Variants in YIPF3 observed in about 807,000 individuals in gnomAD.
The protein encoded by YIPF3 is protein YIPF3.
Under a neutral mutation model 40.3 loss-of-function variants are expected in YIPF3, and 18 were observed. That is an observed-to-expected ratio of 0.45 (90% CI 0.31 to 0.66). YIPF3 has a LOEUF of 0.66. Among genes scored for constraint, YIPF3 ranks in the 30% least tolerant of loss-of-function variants. YIPF3 has a pLI of 0.07. For missense variants in YIPF3, 406 were observed against 452.2 expected (o/e 0.90, Z 0.93); for synonymous variants, 190 against 179.6 (o/e 1.06, Z -0.46).
chr6:43,516,321 T>A, intron 1 of YIPF3: 1 of 1,024,716 alleles, frequency 9.8e-7, no homozygotes, highest in Non-Finnish European at 1.4e-6. Flanking sequence ...CATTCATGTC[T>A]TTCTCCTATG....
chr6:43,516,001 T>G lies in YIPF3; in HGVS notation c.176A>C (p.Glu59Ala). 1 of 1,614,236 alleles carries G rather than the reference T, an allele frequency of 6.2e-7. No homozygotes were observed. The highest frequency in any genetic ancestry group is 1.1e-5 in the South Asian group (1 of 91,090). ...DMGELHQRLR[E>A]EEVDADAADA... ...AGCTGCATCAGCGTCTACTTCTTCC[T>G]CGCGCAGGCGCTGATGCAGCTCACC... The change falls in exon 2 of 9, where the codon GAG (glutamate) becomes GCG (alanine). Residue 59 changes from glutamate to alanine, a missense_variant. By Grantham distance (107) the Glu-to-Ala change is moderately radical. Transcript: ENST00000372422.
At chr6:43,513,228 T>TA (rs764982224) in intron 5 of YIPF3, 28 bp from the exon 6 acceptor site, 36 of 1,613,806 alleles carry the variant, frequency 2.2e-5, no homozygotes, top group Middle Eastern at 1.6e-4. Flanking sequence ...TATTTAGTCC[T>TA]AGGAGGCCTC....
chr6:43,515,762 ATTTTCCGTTTGATTTCTACATGG>A (rs1208588118), intron 2 of YIPF3, 61 bp from the exon 3 acceptor site: 2 of 1,606,856 alleles, frequency 1.2e-6, no homozygotes, highest in Admixed American at 3.3e-5. Context: ...CCTGTTGCCT[ATTTTCCGTTTGATTTCTACATGG>A]TTCTAACTGG....
At position 43,516,330 on chromosome 6, in the gene YIPF3, T is replaced by C. The variant is rs937034638; in HGVS notation, c.82-235A>G. ...GTCTTCCATTCATGTCTTTCTCCTA[T>C]GTTACCTATCAAAGACTAAAAGGCT... On this transcript the variant is annotated intron_variant, in intron 1 of 8. Transcript: ENST00000372422. 3.1e-5 allele frequency: 30 copies of C among 971,252 alleles called. No homozygotes were observed. The Admixed American group carries it at 8.1e-4, about 26-fold the overall frequency. 60.2% of individuals were successfully genotyped at this position (971,252 alleles called of 1,614,324 possible).
chr6:43,512,821 G>A lies in YIPF3; in HGVS notation c.720C>T (p.His240=). The A allele has an allele frequency of 6.2e-7, 1 of 1,614,108 alleles. No homozygotes were observed. Among genetic ancestry groups the A allele is most frequent in the Non-Finnish European group, 8.5e-7 (1 of 1,180,030 alleles). ...AGAAGAGGTAGAAGAGGGCGTGGAG[G>A]TGGATATTATAGGTGATGAACAGGA... ...CIVLFITYNI[H]LHALFYLFWL... Residue 240 remains histidine (H), a synonymous_variant, in exon 7 of 9, where the codon CAC becomes CAT. Coordinates refer to ENST00000372422, the MANE Select transcript of YIPF3 (RefSeq NM_015388.4).
At chr6:43,512,680 T>G (rs988411256) in intron 7 of YIPF3, 81 bp downstream of exon 7, 2 of 1,555,684 alleles carry the variant, frequency 1.3e-6, no homozygotes, top group African/African-American at 2.7e-5. Flanking sequence ...TAGGGCTCTT[T>G]GTGAGATGGA....
intron 8 of YIPF3, 48 bp downstream of exon 8, chr6:43,512,392 G>A: frequency 6.2e-7 from 1 of 1,614,132 alleles, no homozygotes. Context: ...TCTTGCTCTA[G>A]GCAGCTGCTT....
In YIPF3 at chr6:43,513,084, C is replaced by A; in HGVS notation, c.651G>T (p.Gln217His). 6.2e-7 allele frequency: 1 copy of A among 1,614,110 alleles called. No individual in the cohort carries two copies. The highest frequency in any genetic ancestry group is 1.7e-5 in the Admixed American group (1 of 60,022). The change falls in exon 6 of 9, where the codon CAG (glutamine) becomes CAT (histidine). Residue 217 changes from glutamine to histidine, a missense_variant. Gln to His is a conservative substitution (Grantham distance 24, BLOSUM62 0). Coordinates refer to ENST00000372422, the MANE Select transcript of YIPF3 (RefSeq NM_015388.4). The part of the protein sequence containing the change: ...YLCNAQITML[Q>H]MLALLGYGLF... ...GGCTCCTTACCAGCAGTGCCAACATCTGCAGCATGGTGATCTGGGCGTTGC... is the reference window on the plus strand; with the variant it reads ...GGCTCCTTACCAGCAGTGCCAACATATGCAGCATGGTGATCTGGGCGTTGC...
At chr6:43,515,316 C>T (rs1447445179) in intron 3 of YIPF3, 1 of 534,172 alleles carries the variant, frequency 1.9e-6, no homozygotes, top group South Asian at 1.5e-5. Flanking sequence ...TCTATAGGAA[C>T]ACCAGGAGAG....
intron 6 of YIPF3, 24 bp from the exon 7 acceptor site, chr6:43,512,898 G>A (rs1163763130): frequency 6.2e-7 from 1 of 1,609,616 alleles, no homozygotes; most frequent in South Asian, 1.1e-5. Flanking sequence ...TGGTGGAGAG[G>A]AAAATCATTC....
rs1165638989 is a variant in YIPF3, at chr6:43,512,537, C to T, written c.807G>A (p.Val269=). 1 of 1,612,186 alleles carries T rather than the reference C, an allele frequency of 6.2e-7. No homozygotes were observed. Residue 269 remains valine (V), a synonymous_variant, in exon 8 of 9, where the codon GTG becomes GTA. Transcript: ENST00000372422. ...RMVAVLVSRT[V]GPTQRLLLCG... ...AGAGGAGCAGCCGCTGTGTGGGGCC[C>T]ACGGTCCGAGACACCAACACTGCTA...
intron 3 of YIPF3, chr6:43,515,061 C>T (rs3757264): frequency 0.29 from 90,555 of 312,826 alleles, 15,065 homozygotes; most frequent in East Asian, 0.63. Context: ...GGCACGATCT[C>T]GGCTCACTGC....
intron 3 of YIPF3, 22 bp downstream of exon 3, chr6:43,515,573 T>G (rs1364723298): frequency 6.2e-7 from 1 of 1,612,450 alleles, no homozygotes; most frequent in Non-Finnish European, 8.5e-7. Flanking sequence ...GAGGGAAGCT[T>G]CTTCAAGAGA....
In YIPF3 at chr6:43,516,076, A is replaced by G. The variant is rs1792818157; in HGVS notation, c.101T>C (p.Ile34Thr). The change falls in exon 2 of 9, where the codon ATT (isoleucine) becomes ACT (threonine). Residue 34 changes from isoleucine (I) to threonine (T), a missense_variant. Physicochemically the swap from Ile to Thr is moderately conservative, Grantham distance 89. Coordinates refer to ENST00000372422, the MANE Select transcript of YIPF3 (RefSeq NM_015388.4). ...GGTATCATCCATGTTCTCCATGTCAATCACAGCTGAGCCTCCGCCCTGTGA... is the reference window on the plus strand; with the variant it reads ...GGTATCATCCATGTTCTCCATGTCAGTCACAGCTGAGCCTCCGCCCTGTGA... ...ENIQGGGSAV[I>T]DMENMDDTSG... 1 of 1,614,228 alleles carries G rather than the reference A, an allele frequency of 6.2e-7. No individual in the cohort carries two copies. The highest frequency in any genetic ancestry group is 2.2e-5 in the East Asian group (1 of 44,890).
intron 5 of YIPF3, 75 bp downstream of exon 5, chr6:43,513,284 T>C: frequency 1.9e-6 from 3 of 1,613,012 alleles, no homozygotes; most frequent in Non-Finnish European, 2.5e-6. Context: ...TGTTCCTGTC[T>C]CACTCCACCA....
chr6:43,513,077 C>T lies in YIPF3; in HGVS notation c.658G>A (p.Ala220Thr). 1 of 1,614,038 alleles carries T rather than the reference C, an allele frequency of 6.2e-7. No homozygotes were observed. The highest frequency in any genetic ancestry group is 8.5e-7 in the Non-Finnish European group (1 of 1,180,008). Residue 220 changes from alanine (A) to threonine (T), a missense_variant, in exon 6 of 9, where the codon GCA becomes ACA. Ala to Thr is a moderately conservative substitution (Grantham distance 58). Transcript: ENST00000372422. ...NAQITMLQML[A>T]LLGYGLFGHC... ...CACACCTGGCTCCTTACCAGCAGTG[C>T]CAACATCTGCAGCATGGTGATCTGG...
Position 43,513,642 on chromosome 6 carries a change from G to C in YIPF3, c.396-9C>G. ...TCATGGACTCCAGGAGCCTGGGAGA[G>C]GAGAGGAGAGATTAAAGCAAAGGCA... On this transcript the variant is annotated splice_polypyrimidine_tract_variant and intron_variant, in intron 3 of 8. Transcript: ENST00000372422. 1.3e-6 allele frequency: 2 copies of C among 1,544,930 alleles called. No homozygotes were observed. The highest frequency in any genetic ancestry group is 1.7e-6 in the Non-Finnish European group (2 of 1,147,586).
rs1377992484 is a variant in YIPF3, at chr6:43,511,927, T to C, written c.*240A>G. 6 of 535,094 alleles carry C rather than the reference T, an allele frequency of 1.1e-5. No homozygotes were observed. The highest frequency in any genetic ancestry group is 9.9e-5 in the African/African-American group (5 of 50,734). 33.1% of individuals were successfully genotyped at this position (535,094 alleles called of 1,614,324 possible). On this transcript the variant is annotated 3_prime_UTR_variant, in exon 9 of 9. Coordinates refer to ENST00000372422, the MANE Select transcript of YIPF3 (RefSeq NM_015388.4). ...GAAGGAAGGGGTAGGTGGGGAGGGG[T>C]TCTCAAAGGAGCTGACCCATTTTCT...
chr6:43,516,637 G>A (rs1473452055), intron 1 of YIPF3, 90 bp downstream of exon 1: 2 of 1,454,912 alleles, frequency 1.4e-6, no homozygotes, highest in Non-Finnish European at 1.9e-6. Context: ...AAATGGAGCG[G>A]ACTTCCAGGC....
Sources: gnomAD v4.1 joint callset for allele counts on GRCh38, gnomAD v4.1.1 for gene constraint, MANE v1.5 for transcripts, NCBI Gene and HGNC (gene_info 2026-07-23, HGNC 2026-07-21) for gene names.